Variants in OSCP1 observed in about 807,000 individuals in gnomAD.
OSCP1 encodes the protein protein OSCP1.
In OSCP1, 35 loss-of-function variants were observed where a neutral mutation model predicts 45.1. The observed-to-expected ratio is 0.78, with a 90% CI of 0.59 to 1.03. The LOEUF (loss-of-function observed/expected upper bound fraction) is 1.03. Ranked by LOEUF, OSCP1 falls within the 50% of genes least tolerant of loss-of-function variation. The probability of loss-of-function intolerance (pLI) is 0.00; values close to 1 mark genes in which losing one functional copy is unlikely to be tolerated. For missense variants in OSCP1, 400 were observed against 470.7 expected (o/e 0.85, Z 1.39); for synonymous variants, 179 against 180.1 (o/e 0.99, Z 0.05).
chr1:36,419,977 C>CT lies in OSCP1; in HGVS notation c.959+498dup, dbSNP rs56851568. 1.7e-3 allele frequency among the ~76,000 whole-genome samples: 232 copies of CT among 136,214 alleles called. 1 individual carries two copies. The highest frequency in any genetic ancestry group is 4.0e-3 in the East Asian group (19 of 4,748). The allele number at this position is 136,214 out of a possible 152,430, so 89.4% of individuals were successfully genotyped here. On this transcript the variant is annotated intron_variant, in intron 8 of 9. Coordinates refer to ENST00000235532, the MANE Select transcript of OSCP1 (RefSeq NM_145047.5). Reference sequence around the variant, plus strand: ...ACAGGTGCGCACCATCACACCGTCTCTTTTTTTTTTTTTTTTGAGACAGAG... The same window carrying CT: ...ACAGGTGCGCACCATCACACCGTCTCTTTTTTTTTTTTTTTTTGAGACAGAG...
chr1:36,419,208 C>T (rs756553602), intron 8 of OSCP1, 154 bp from the exon 9 acceptor site: 35 of 676,452 alleles, frequency 5.2e-5, no homozygotes, highest in South Asian at 5.1e-4. Flanking sequence ...ATGTACCCTA[C>T]GACCTAGAAA....
chr1:36,428,893 C>T (rs1255336252), intron 4 of OSCP1, among the ~76,000 whole-genome samples: 2 of 152,176 alleles, frequency 1.3e-5, no homozygotes, highest in East Asian at 1.9e-4. Flanking sequence ...TGCAGTAAGC[C>T]GAGATTGTGC....
At chr1:36,427,149 C>T (rs1282933932) in intron 4 of OSCP1, among the ~76,000 whole-genome samples, 1 of 150,918 alleles carries the variant, frequency 6.6e-6, no homozygotes, top group Non-Finnish European at 1.5e-5. Context: ...TACAGGCGCC[C>T]GCCACCATGC....
intron 1 of OSCP1, among the ~76,000 whole-genome samples, chr1:36,442,006 T>A (rs1649213932): frequency 6.6e-6 from 1 of 151,890 alleles, no homozygotes; most frequent in East Asian, 1.9e-4. Flanking sequence ...GGTGGGTGGA[T>A]CACCTGAGGT....
At position 36,420,557 on chromosome 1, in the gene OSCP1, A is replaced by G. The variant is rs765427269; in HGVS notation, c.878T>C (p.Met293Thr). The change falls in exon 8 of 10, where the codon ATG (methionine) becomes ACG (threonine). Residue 293 changes from methionine to threonine, a missense_variant. Physicochemically the swap from Met to Thr is moderately conservative, Grantham distance 81 (BLOSUM62 -1). Coordinates refer to ENST00000235532, the MANE Select transcript of OSCP1 (RefSeq NM_145047.5). ...GGGTTTCTTAATCTCCATCCCTCCC[A>G]TCAGCCTGGCCAAGAAATTCAGCTC... ...KEELNFLARLMGGMEIKKPSG... is the reference protein window; with the variant it reads ...KEELNFLARLTGGMEIKKPSG... The G allele has an allele frequency of 1.9e-6, 3 of 1,614,160 alleles. No individual in the cohort carries two copies. Among genetic ancestry groups the G allele is most frequent in the Non-Finnish European group, 2.5e-6 (3 of 1,180,030 alleles).
intron 1 of OSCP1, among the ~76,000 whole-genome samples, chr1:36,443,000 G>A (rs1192231985): frequency 6.6e-6 from 1 of 152,116 alleles, no homozygotes; most frequent in African/African-American, 2.4e-5. Context: ...GTCTCGCTCT[G>A]TCGCCCAGGC....
chr1:36,422,652 T>C, intron 6 of OSCP1, 116 bp downstream of exon 6: 1 of 1,090,782 alleles, frequency 9.2e-7, no homozygotes, highest in South Asian at 2.0e-5. Context: ...AAGGGGAAAT[T>C]ACTCCTATTG....
At chr1:36,428,984 A>G (rs1034380258) in intron 4 of OSCP1, among the ~76,000 whole-genome samples, 1 of 152,162 alleles carries the variant, frequency 6.6e-6, no homozygotes, top group Admixed American at 6.5e-5. Context: ...TATGTTGCCC[A>G]GGATGGTCTT....
intron 9 of OSCP1, 90 bp from the exon 10 acceptor site, chr1:36,418,345 T>C (rs16822888): frequency 0.33 from 353,825 of 1,084,312 alleles, 59,650 homozygotes; most frequent in East Asian, 0.55. Flanking sequence ...TTTTGTCCCA[T>C]GACTGATATG....
Position 36,432,470 on chromosome 1 carries a change from G to C in OSCP1, c.387C>G (p.Ser129=), listed in dbSNP as rs747677322. 3 of 1,613,968 alleles carry C rather than the reference G, an allele frequency of 1.9e-6. No homozygotes were observed. Among genetic ancestry groups the C allele is most frequent in the Non-Finnish European group, 2.5e-6 (3 of 1,180,032 alleles). ...LDTIKGFIRD[S]PTILQQVDET... Reference sequence around the variant, plus strand: ...CGTCCACTTGCTGCAGGATGGTTGGGGAGTCTCGGATGAATCCCTTGATGG... The same window carrying C: ...CGTCCACTTGCTGCAGGATGGTTGGCGAGTCTCGGATGAATCCCTTGATGG... Residue 129 remains serine (S), a synonymous_variant, in exon 3 of 10, where the codon TCC becomes TCG. Coordinates refer to ENST00000235532, the MANE Select transcript of OSCP1 (RefSeq NM_145047.5).
chr1:36,446,062 G>T (rs1470145404), intron 1 of OSCP1, among the ~76,000 whole-genome samples: 1 of 151,416 alleles, frequency 6.6e-6, no homozygotes, highest in African/African-American at 2.4e-5. Flanking sequence ...TTGCTTTGTC[G>T]CCCAGGCTAG....
In OSCP1 at chr1:36,422,135, A is replaced by C; in HGVS notation, c.819+15T>G. 6.2e-7 allele frequency: 1 copy of C among 1,610,992 alleles called. No homozygotes were observed. The highest frequency in any genetic ancestry group is 8.5e-7 in the Non-Finnish European group (1 of 1,177,100). ...AGAGAAGCTGTGAGGGTAGGCAAGGAAGGCAGAAGCTCACCTGGGTCCATG... is the reference window on the plus strand; with the variant it reads ...AGAGAAGCTGTGAGGGTAGGCAAGGCAGGCAGAAGCTCACCTGGGTCCATG... On this transcript the variant is annotated intron_variant, in intron 7 of 9. Transcript: ENST00000235532.
In OSCP1 at chr1:36,418,087, GTCACC is replaced by G. The variant is rs1248995447; in HGVS notation, c.*47_*51del. On this transcript the variant is annotated 3_prime_UTR_variant, in exon 10 of 10. Transcript: ENST00000235532. ...CTGGGCCATGGGGCATTCCCCAGGG[GTCACC>G]ATCCAGCAGCCTCTCCCTGGGGGCA... The G allele has an allele frequency of 2.7e-6, 4 of 1,492,418 alleles. No individual in the cohort carries two copies. The highest frequency in any genetic ancestry group is 3.7e-6 in the Non-Finnish European group (4 of 1,072,772). 92.4% of individuals were successfully genotyped at this position (1,492,418 alleles called of 1,614,324 possible). A position where few individuals can be genotyped will look rare whatever the true frequency, so the allele number is the denominator to read the frequency against.
intron 8 of OSCP1, 119 bp from the exon 9 acceptor site, chr1:36,419,173 A>C: frequency 2.3e-6 from 2 of 875,932 alleles, no homozygotes; most frequent in Non-Finnish European, 3.8e-6. Flanking sequence ...CATTTCTCTT[A>C]AACTTTCTAC....
In OSCP1 at chr1:36,450,381, C is replaced by T. The variant is rs756597040; in HGVS notation, c.-12G>A. The T allele has an allele frequency of 1.2e-6, 2 of 1,610,442 alleles. No homozygotes were observed. Among genetic ancestry groups the T allele is most frequent in the Admixed American group, 3.3e-5 (2 of 59,972 alleles). On this transcript the variant is annotated 5_prime_UTR_variant, in exon 1 of 10. Transcript: ENST00000235532. The stretch of plus-strand genomic sequence containing the variant: ...GTCCGCACCGACATGGTGCTGGAAA[C>T]GAGCTGGACTGGTGAAGAGCCCCGG...
At chr1:36,418,289 G>T in intron 9 of OSCP1, 34 bp from the exon 10 acceptor site, 3 of 1,607,130 alleles carry the variant, frequency 1.9e-6, no homozygotes, top group Non-Finnish European at 2.6e-6. Context: ...AGGGCATGAA[G>T]AGGCTGTGCT....
chr1:36,431,775 T>C, intron 4 of OSCP1, 27 bp downstream of exon 4: 3 of 1,606,386 alleles, frequency 1.9e-6, no homozygotes, highest in African/African-American at 2.7e-5. Flanking sequence ...AGCTCCTGAG[T>C]GTTCCCAGGG....
rs551475720 is a variant in OSCP1, at chr1:36,434,089, A to G, written c.268-1500T>C. On this transcript the variant is annotated intron_variant, in intron 2 of 9. Coordinates refer to ENST00000235532, the MANE Select transcript of OSCP1 (RefSeq NM_145047.5). ...AGTGCGGGTGGGGAGGGATGATGCTATTGATGGAGGAAAAGACGTCTGAGG... is the reference window on the plus strand; with the variant it reads ...AGTGCGGGTGGGGAGGGATGATGCTGTTGATGGAGGAAAAGACGTCTGAGG... Among the ~76,000 whole-genome samples, 17 of 152,232 alleles carry G rather than the reference A, an allele frequency of 1.1e-4. No homozygotes were observed. The South Asian group carries it at 2.5e-3, about 22-fold the overall frequency.
At chr1:36,425,304 G>A (rs940306072) in intron 4 of OSCP1, among the ~76,000 whole-genome samples, 1 of 152,152 alleles carries the variant, frequency 6.6e-6, no homozygotes, top group Non-Finnish European at 1.5e-5. Flanking sequence ...AATACTGGAC[G>A]GGCCACTTCT....
Sources: gnomAD v4.1 joint callset for allele counts (sites outside exome capture counted in the v4.1 genomes callset) on GRCh38, gnomAD v4.1.1 for gene constraint, MANE v1.5 for transcripts, NCBI Gene and HGNC (gene_info 2026-07-23, HGNC 2026-07-21) for gene names.